DHX34: variants seen among roughly 807,000 people sequenced by gnomAD.
DHX34 encodes probable ATP-dependent RNA helicase DHX34.
A neutral mutation model predicts 111.1 loss-of-function variants in DHX34; 96 were observed. The ratio of observed to expected loss-of-function variants is 0.86; its 90% CI spans 0.73 to 1.02. The LOEUF is 1.02. DHX34 is among the 50% of genes least tolerant of loss of function. DHX34 has a pLI of 0.00. For synonymous variants in DHX34, 688 were observed against 670.4 expected, an observed-to-expected ratio of 1.03 and a Z score of -0.41; for missense variants, 1,560 against 1,579.9, an observed-to-expected ratio of 0.99 and a Z score of 0.21.
At chr19:47,364,115 A>T (rs182053462) in intron 6 of DHX34, among the ~76,000 whole-genome samples, 66 of 152,170 alleles carry the variant, frequency 4.3e-4, no homozygotes, top group African/African-American at 1.5e-3. Context: ...TAATCTCCCC[A>T]GGGGCTTTTC....
intron 6 of DHX34, 67 bp from the exon 7 acceptor site, chr19:47,366,914 G>T: frequency 7.0e-7 from 1 of 1,425,614 alleles, no homozygotes; most frequent in Non-Finnish European, 9.2e-7. Flanking sequence ...TGTGATCTCT[G>T]AGCCCCGCTG....
At chr19:47,361,502 G>T (rs1969630625) in intron 5 of DHX34, among the ~76,000 whole-genome samples, 2 of 151,776 alleles carry the variant, frequency 1.3e-5, no homozygotes, top group Non-Finnish European at 2.9e-5. Context: ...ATGTCTGCCA[G>T]GTGCTGTGGC....
chr19:47,375,533 G>A lies in DHX34; in HGVS notation c.2132G>A (p.Arg711Gln), dbSNP rs1264112315. ...GCGCAGGTAGGGGACAGCTACAGTC[G>A]GTTGCAGCAGCGCCGGGAGCGCCGG... Reference protein sequence around the residue: ...QAAQVGDSYSRLQQRRERRAL... With the variant: ...QAAQVGDSYSQLQQRRERRAL... The change falls in exon 10 of 17, where the codon CGG becomes CAG. Residue 711 changes from arginine to glutamine, a missense_variant. Physicochemically the swap from Arg to Gln is conservative, Grantham distance 43. Transcript: ENST00000328771. 6 of 1,561,710 alleles carry A rather than the reference G, an allele frequency of 3.8e-6. No individual in the cohort carries two copies. The highest frequency in any genetic ancestry group is 2.7e-5 in the African/African-American group (2 of 73,818).
chr19:47,374,554 A>G (rs2122333296), intron 9 of DHX34, among the ~76,000 whole-genome samples: 1 of 151,662 alleles, frequency 6.6e-6, no homozygotes, highest in Non-Finnish European at 1.5e-5. Context: ...GTCCTTTTCC[A>G]TGGTTGTATC....
chr19:47,375,723 C>T lies in DHX34; in HGVS notation c.2307+15C>T. ...TGGACATCCAGGTGGGCGCCATGGG[C>T]TGTGGGGTGTGGGGGTTTACCAAGG... On this transcript the variant is annotated intron_variant, in intron 10 of 16. Coordinates refer to ENST00000328771, the MANE Select transcript of DHX34 (RefSeq NM_014681.6). The T allele has an allele frequency of 6.4e-7, 1 of 1,562,518 alleles. No individual in the cohort carries two copies. The highest frequency in any genetic ancestry group is 8.6e-7 in the Non-Finnish European group (1 of 1,159,504).
At position 47,355,208 on chromosome 19, in the gene DHX34, T is replaced by G; in HGVS notation, c.875T>G (p.Leu292Arg). ...CGGCATCTCCACAACGATTTCCTCC[T>G]GGGCGTCCTCCAGCGCCTGTTGCCC... ...HERHLHNDFL[L>R]GVLQRLLPTR... The change falls in exon 3 of 17, where the codon CTG (leucine) becomes CGG (arginine). Residue 292 changes from leucine to arginine, a missense_variant. Leu to Arg is a moderately radical substitution (Grantham distance 102). Transcript: ENST00000328771. 3 of 1,614,232 alleles carry G rather than the reference T, an allele frequency of 1.9e-6. No homozygotes were observed. Among genetic ancestry groups the G allele is most frequent in the Non-Finnish European group, 2.5e-6 (3 of 1,180,034 alleles).
chr19:47,368,967 T>C (rs1468042145), intron 7 of DHX34, among the ~76,000 whole-genome samples: 1 of 152,154 alleles, frequency 6.6e-6, no homozygotes, highest in Non-Finnish European at 1.5e-5. Flanking sequence ...AACTGCCACC[T>C]CCTGTGTTCA....
rs903106077 is a variant in DHX34 at position 47,357,981 on chromosome 19, G to T, written c.1133G>T (p.Arg378Leu). 2 of 1,613,946 alleles carry T rather than the reference G, an allele frequency of 1.2e-6. No homozygotes were observed. Among genetic ancestry groups the T allele is most frequent in the Middle Eastern group, 1.7e-4 (1 of 6,058 alleles). ...GACCACAAGTACCCGCCTGAGGAGC[G>T]GGGTGACCTCCTCGTCTTCCTCAGC... ...SIDHKYPPEE[R>L]GDLLVFLSGM... The change falls in exon 4 of 17, where the codon CGG becomes CTG. Residue 378 changes from arginine (R) to leucine (L), a missense_variant. Coordinates refer to ENST00000328771, the MANE Select transcript of DHX34 (RefSeq NM_014681.6).
Position 47,376,083 on chromosome 19 carries a change from A to G in DHX34, c.2467A>G (p.Lys823Glu), listed in dbSNP as rs763330447. 1.9e-6 allele frequency: 3 copies of G among 1,565,006 alleles called. No individual in the cohort carries two copies. The East Asian group carries it at 6.8e-5, about 35-fold the overall frequency. ...CCCCGACGCCTTCAACAGCAGCCGA[A>G]AGGACTCAGACCAGGTGGGGCCTGT... ...AVPDAFNSSR[K>E]DSDQIFHTQA... The change falls in exon 11 of 17, where the codon AAG becomes GAG. Residue 823 changes from lysine to glutamate, a missense_variant. Physicochemically the swap from Lys to Glu is moderately conservative, Grantham distance 56. Coordinates refer to ENST00000328771, the MANE Select transcript of DHX34 (RefSeq NM_014681.6).
Position 47,379,700 on chromosome 19 carries a change from T to C in DHX34, c.2707-10T>C, listed in dbSNP as rs2694556. The C allele has an allele frequency of 0.065, 103,431 of 1,586,838 alleles. 4,376 individuals carry two copies. Among genetic ancestry groups the C allele is most frequent in the African/African-American group, 0.2 (14,562 of 74,592 alleles). On this transcript the variant is annotated splice_polypyrimidine_tract_variant and intron_variant, in intron 13 of 16. Coordinates refer to ENST00000328771, the MANE Select transcript of DHX34 (RefSeq NM_014681.6). ...CACCTACTCCCTGTCTTCTGCCCCC[T>C]CTCTTTCAGTCCCTCCTGCTTTTTA...
intron 3 of DHX34, 143 bp from the exon 4 acceptor site, chr19:47,357,723 A>G: frequency 2.1e-6 from 3 of 1,434,808 alleles, no homozygotes; most frequent in Non-Finnish European, 2.7e-6. Context: ...CACATGGAAC[A>G]GAGTTGCCCA....
intron 4 of DHX34, 195 bp from the exon 5 acceptor site, chr19:47,359,773 C>T: frequency 1.1e-6 from 1 of 894,298 alleles, no homozygotes; most frequent in Non-Finnish European, 1.3e-6. Context: ...CAGAGCAAGA[C>T]TCCGTCTGAG....
In DHX34 at chr19:47,372,569, G is replaced by A. The variant is rs551963039; in HGVS notation, c.1769-161G>A. On this transcript the variant is annotated intron_variant, in intron 7 of 16. Transcript: ENST00000328771. ...TGGCCACGTGACCAGAAAGCACAGCGCGTGGGTTTGAATCTCCATCTGGGT... is the reference window on the plus strand; with the variant it reads ...TGGCCACGTGACCAGAAAGCACAGCACGTGGGTTTGAATCTCCATCTGGGT... 3.3e-4 allele frequency: 319 copies of A among 980,468 alleles called. 3 individuals are homozygous for A. The African/African-American group carries it at 4.5e-3, about 14-fold the overall frequency. The allele number at this position is 980,468 out of a possible 1,614,324, so 60.7% of individuals were successfully genotyped here. A position where few individuals can be genotyped will look rare whatever the true frequency, so the allele number is the denominator to read the frequency against.
At chr19:47,357,716 A>G (rs1195294297) in intron 3 of DHX34, 150 bp from the exon 4 acceptor site, 10 of 1,426,128 alleles carry the variant, frequency 7.0e-6, no homozygotes, top group African/African-American at 4.3e-5. Flanking sequence ...GAATGACCAC[A>G]TGGAACAGAG....
chr19:47,353,136 C>T lies in DHX34; in HGVS notation c.106C>T (p.Arg36Cys), dbSNP rs748157892. Residue 36 changes from arginine (R) to cysteine (C), a missense_variant, in exon 2 of 17, where the codon CGT becomes TGT. Transcript: ENST00000328771. This position sits in a 1 kb window ranked among gnomAD's most constrained non-coding sequence, Gnocchi z 4.6. ...EKWDWNCPET[R>C]RLLEDAFFRE... ...ATGGGACTGGAATTGTCCAGAGACG[C>T]GTCGCCTCTTGGAAGATGCCTTCTT... 2.9e-5 allele frequency: 47 copies of T among 1,613,984 alleles called. No homozygotes were observed. Among genetic ancestry groups the T allele is most frequent in the African/African-American group, 5.3e-5 (4 of 74,908 alleles).
In DHX34 at chr19:47,353,784, GA is replaced by G; in HGVS notation, c.705+51del. 1 of 1,458,744 alleles carries G rather than the reference GA, an allele frequency of 6.9e-7. No homozygotes were observed. The highest frequency in any genetic ancestry group is 1.4e-5 in the African/African-American group (1 of 71,146). The allele number at this position is 1,458,744 out of a possible 1,614,324, so 90.4% of individuals were successfully genotyped here. On this transcript the variant is annotated intron_variant, in intron 2 of 16. Transcript: ENST00000328771. The surrounding 1 kb of genome is among the most constrained non-coding windows in gnomAD (Gnocchi z 4.6). ...CGATTTTTCCAGCGTGACCTTGGGG[GA>G]ATAGGTTGCTTGTCCATATGGCAGT...
intron 7 of DHX34, among the ~76,000 whole-genome samples, chr19:47,372,177 C>T (rs188799213): frequency 1.1e-4 from 16 of 151,984 alleles, no homozygotes; most frequent in Admixed American, 3.3e-4. Context: ...TCCATGTCTT[C>T]GCCTTCTGTC....
At chr19:47,359,733 G>C in intron 4 of DHX34, 1 of 518,448 alleles carries the variant, frequency 1.9e-6, no homozygotes, top group South Asian at 8.4e-5. Context: ...AGTGAGCCGA[G>C]ATCACGCCAC....
rs1969758477 is a variant in DHX34, at chr19:47,365,306, C to CA, written c.1594-1674dup. Among the ~76,000 whole-genome samples the CA allele has an allele frequency of 2.0e-5, 3 of 152,012 alleles. No individual in the cohort carries two copies. In the South Asian group the frequency reaches 6.2e-4, roughly 32 times the overall value. On this transcript the variant is annotated intron_variant, in intron 6 of 16. Coordinates refer to ENST00000328771, the MANE Select transcript of DHX34 (RefSeq NM_014681.6). ...TCACTCTGTCGCCCAGGCTGGAGTG[C>CA]AGTGGTGTTATCTCGGCTCACTGCA...
Sources: allele counts gnomAD v4.1 joint callset (sites outside exome capture counted in the v4.1 genomes callset), GRCh38; gene constraint gnomAD v4.1.1; non-coding constraint Gnocchi (gnomAD v3.1); transcripts MANE v1.5; gene names NCBI Gene and HGNC (gene_info 2026-07-23, HGNC 2026-07-21).